Variants in FBLN5 observed in about 807,000 individuals in gnomAD.
FBLN5 encodes the protein fibulin 5.
Under a neutral mutation model 61.6 loss-of-function variants are expected in FBLN5, and 24 were observed. The observed-to-expected ratio is 0.39, with a 90% confidence interval of 0.28 to 0.55. The LOEUF is 0.55. FBLN5 is among the 20% of genes least tolerant of loss of function. The pLI, the probability that FBLN5 is intolerant of heterozygous loss-of-function variation, is 0.65. For synonymous variants in FBLN5, 213 were observed against 219.8 expected (o/e 0.97, Z 0.27); for missense variants, 470 against 594.1 (o/e 0.79, Z 2.17).
chr14:91,922,306 A>G (rs1004930055), intron 4 of FBLN5, among the ~76,000 whole-genome samples: 2 of 140,754 alleles, frequency 1.4e-5, no homozygotes, highest in African/African-American at 5.4e-5. Flanking sequence ...AATAATAATA[A>G]TAATAAAGTA....
In FBLN5 at chr14:91,911,910, G is replaced by A. The variant is rs139238151; in HGVS notation, c.380-16838C>T. The stretch of plus-strand genomic sequence containing the variant: ...CAAGTAGGAAGAAAACTTGCTAAGA[G>A]GGTAACCTGAAAGCGGAAGACCTCC... On this transcript the variant is annotated intron_variant, in intron 4 of 10. Transcript: ENST00000342058. Among the ~76,000 whole-genome samples, 185 of 152,262 alleles carry A rather than the reference G, an allele frequency of 1.2e-3. 1 individual carries two copies. Among genetic ancestry groups the A allele is most frequent in the African/African-American group, 4.3e-3 (177 of 41,558 alleles).
intron 7 of FBLN5, 119 bp from the exon 8 acceptor site, chr14:91,883,195 G>A: frequency 8.7e-7 from 1 of 1,148,948 alleles, no homozygotes; most frequent in South Asian, 1.3e-5. Flanking sequence ...TTACTGCCAA[G>A]AAGCTGTCAA....
chr14:91,884,352 G>A (rs1485221812), intron 7 of FBLN5, among the ~76,000 whole-genome samples: 2 of 152,126 alleles, frequency 1.3e-5, no homozygotes, highest in African/African-American at 2.4e-5. Flanking sequence ...CGGGTCTCTG[G>A]CTCCAGCCCA....
At chr14:91,900,570 G>A (rs1232031571) in intron 4 of FBLN5, among the ~76,000 whole-genome samples, 2 of 152,268 alleles carry the variant, frequency 1.3e-5, no homozygotes, top group East Asian at 3.9e-4. Context: ...ACACCAAAGG[G>A]CTGAGAACTC....
chr14:91,925,082 G>A (rs936965660), intron 4 of FBLN5, among the ~76,000 whole-genome samples: 3 of 152,144 alleles, frequency 2.0e-5, no homozygotes, highest in Admixed American at 6.5e-5. Flanking sequence ...TGACCTCACT[G>A]ATTCCTGGGG....
At chr14:91,896,376 G>A (rs1890225542) in intron 4 of FBLN5, among the ~76,000 whole-genome samples, 1 of 152,080 alleles carries the variant, frequency 6.6e-6, no homozygotes, top group Non-Finnish European at 1.5e-5. Flanking sequence ...CACCTTGGTG[G>A]GTCACCTTCC....
At chr14:91,917,893 CT>C (rs1203585822) in intron 4 of FBLN5, among the ~76,000 whole-genome samples, 3 of 152,142 alleles carry the variant, frequency 2.0e-5, no homozygotes, top group Admixed American at 2.0e-4. Context: ...TAAAGTTGCC[CT>C]TCTTAACCTT....
intron 4 of FBLN5, among the ~76,000 whole-genome samples, chr14:91,931,687 G>T (rs2055926775): frequency 6.6e-6 from 1 of 152,234 alleles, no homozygotes; most frequent in South Asian, 2.1e-4. Flanking sequence ...GTTACTGATG[G>T]AGTCTCTACA....
At chr14:91,871,221 T>TAAAA (rs55903830) in intron 10 of FBLN5, among the ~76,000 whole-genome samples, 6 of 137,932 alleles carry the variant, frequency 4.3e-5, no homozygotes, top group Admixed American at 7.2e-5. Flanking sequence ...ATCAGTAATT[T>TAAAA]AAAAAAAAAA....
chr14:91,911,847 G>T (rs987040220), intron 4 of FBLN5, among the ~76,000 whole-genome samples: 1 of 151,346 alleles, frequency 6.6e-6, no homozygotes, highest in Non-Finnish European at 1.5e-5. Context: ...CTGTGCCTCG[G>T]CACACAAAAT....
Position 91,870,423 on chromosome 14 carries a change from C to G in FBLN5, c.1186-38G>C, listed in dbSNP as rs747955373. ...CCGGGGAACACCAGTGAGAAAAGGC[C>G]TGCATGGTGGCCCTGCAGCCCCACC... On this transcript the variant is annotated intron_variant, in intron 10 of 10. Coordinates refer to ENST00000342058, the MANE Select transcript of FBLN5 (RefSeq NM_006329.4). 3.1e-6 allele frequency: 5 copies of G among 1,610,836 alleles called. 1 individual carries two copies. The South Asian group carries it at 5.5e-5, about 18-fold the overall frequency.
chr14:91,912,873 A>C (rs1891017410), intron 4 of FBLN5, among the ~76,000 whole-genome samples: 1 of 151,752 alleles, frequency 6.6e-6, no homozygotes, highest in South Asian at 2.1e-4. Flanking sequence ...TTTCTTCTTT[A>C]ATATGCTAAA....
At chr14:91,886,331 A>C (rs1357403776) in intron 7 of FBLN5, among the ~76,000 whole-genome samples, 2 of 152,246 alleles carry the variant, frequency 1.3e-5, no homozygotes, top group African/African-American at 4.8e-5. Flanking sequence ...AGAGAAAGAA[A>C]GAAAAGGAGT....
At chr14:91,915,456 C>T (rs759737738) in intron 4 of FBLN5, among the ~76,000 whole-genome samples, 5 of 151,752 alleles carry the variant, frequency 3.3e-5, no homozygotes, top group South Asian at 4.1e-4. Flanking sequence ...GAGGCCAAGG[C>T]GGGTGGATCA....
In FBLN5 at chr14:91,883,138, T is replaced by C. The variant is rs562659564; in HGVS notation, c.740-62A>G. On this transcript the variant is annotated intron_variant, in intron 7 of 10. Transcript: ENST00000342058. ...AGTCTACATGGGGATGGGAGCTTAG[T>C]GGCCATCTACTCCAACTCTCACACT... 106 of 1,587,596 alleles carry C rather than the reference T, an allele frequency of 6.7e-5. 1 individual carries two copies. The African/African-American group carries it at 1.4e-3, about 20-fold the overall frequency.
At chr14:91,906,138 C>T (rs1890677121) in intron 4 of FBLN5, among the ~76,000 whole-genome samples, 1 of 152,212 alleles carries the variant, frequency 6.6e-6, no homozygotes, top group Non-Finnish European at 1.5e-5. Context: ...CTGCCTGCCT[C>T]AGCCTCCCAA....
chr14:91,896,973 G>A (rs1890253333), intron 4 of FBLN5, among the ~76,000 whole-genome samples: 1 of 152,132 alleles, frequency 6.6e-6, no homozygotes. Context: ...GGTGAGCAGT[G>A]GTCCCTCGGC....
rs573948923 is a variant in FBLN5, at chr14:91,946,321, C to G, written c.17+892G>C. 9.5e-4 allele frequency among the ~76,000 whole-genome samples: 144 copies of G among 151,990 alleles called. No individual in the cohort carries two copies. In the South Asian group the frequency reaches 0.014, roughly 15 times the overall value. ...CCTGGAAACTCCAAAAATGAACTAACTATAAGAATAGCTGGGGGGAGGCAG... is the reference window on the plus strand; with the variant it reads ...CCTGGAAACTCCAAAAATGAACTAAGTATAAGAATAGCTGGGGGGAGGCAG... On this transcript the variant is annotated intron_variant, in intron 1 of 10. Coordinates refer to ENST00000342058, the MANE Select transcript of FBLN5 (RefSeq NM_006329.4).
chr14:91,884,235 G>T (rs1216662453), intron 7 of FBLN5, among the ~76,000 whole-genome samples: 3 of 152,180 alleles, frequency 2.0e-5, no homozygotes, highest in Non-Finnish European at 4.4e-5. Flanking sequence ...CAGGTGATGG[G>T]TTATCAGCCA....
Sources: allele counts gnomAD v4.1 joint callset (sites outside exome capture counted in the v4.1 genomes callset), GRCh38; gene constraint gnomAD v4.1.1; transcripts MANE v1.5; gene names NCBI Gene and HGNC (gene_info 2026-07-23, HGNC 2026-07-21).